SMYD3: variants seen among roughly 807,000 people sequenced by gnomAD.
SMYD3 encodes the protein SET and MYND domain containing 3.
In SMYD3, 36 loss-of-function variants were observed where a neutral mutation model predicts 57.7. The observed-to-expected ratio is 0.62, with a 90% CI of 0.48 to 0.82. The LOEUF (loss-of-function observed/expected upper bound fraction) is 0.82. Among genes scored for constraint, SMYD3 ranks in the 40% least tolerant of loss-of-function variants. The pLI is 0.00. For missense variants in SMYD3, 515 were observed against 538.8 expected (o/e 0.96, Z 0.44); for synonymous variants, 211 against 195.0 (o/e 1.08, Z -0.68).
chr1:246,298,128 G>C (rs2064828152), intron 5 of SMYD3, among the ~76,000 whole-genome samples: 1 of 151,884 alleles, frequency 6.6e-6, no homozygotes, highest in Non-Finnish European at 1.5e-5. Context: ...ATATAAACCT[G>C]CAGGTTCACA....
chr1:246,016,672 T>C (rs552799862), intron 5 of SMYD3, among the ~76,000 whole-genome samples: 1 of 151,934 alleles, frequency 6.6e-6, no homozygotes, highest in South Asian at 2.1e-4. Context: ...GAAATCTTGC[T>C]CTCAGTAGGA....
chr1:246,325,729 T>A (rs1419680051), intron 5 of SMYD3: 1 of 152,190 alleles, frequency 6.6e-6, no homozygotes, highest in East Asian at 1.9e-4. Context: ...ATTAATAACA[T>A]CAGTAATTAT....
chr1:246,024,111 T>C (rs2148237071), intron 5 of SMYD3, among the ~76,000 whole-genome samples: 1 of 152,304 alleles, frequency 6.6e-6, no homozygotes, highest in South Asian at 2.1e-4. Flanking sequence ...GTTGCTTCTA[T>C]CATAGTCCAA....
At chr1:245,796,818 T>G (rs1307697730) in intron 10 of SMYD3, among the ~76,000 whole-genome samples, 1 of 152,182 alleles carries the variant, frequency 6.6e-6, no homozygotes, top group Non-Finnish European at 1.5e-5. Flanking sequence ...TTCTATTAGC[T>G]CCAAACATAC....
chr1:245,915,598 G>T lies in SMYD3; in HGVS notation c.745C>A (p.Arg249Ser). 6.2e-7 allele frequency: 1 copy of T among 1,613,968 alleles called. No individual in the cohort carries two copies. The highest frequency in any genetic ancestry group is 1.1e-5 in the South Asian group (1 of 91,042). Residue 249 changes from arginine to serine, a missense_variant, in exon 8 of 12, where the codon CGC becomes AGC. Transcript: ENST00000490107. ...YLDMLMTSEE[R>S]RKQLRDQYCF... ...TACTGGTCCCTCAGCTGCTTCCGGC[G>T]CTCCTCACTGGTCATCAGCATATCC...
chr1:246,326,195 G>A (rs1274592536), intron 5 of SMYD3: 6 of 443,858 alleles, frequency 1.4e-5, no homozygotes, highest in South Asian at 5.7e-5. Context: ...ATCTTCAAAC[G>A]TGTGCTTACA....
chr1:246,329,102 T>G (rs909236080), intron 4 of SMYD3, among the ~76,000 whole-genome samples: 2 of 152,250 alleles, frequency 1.3e-5, no homozygotes, highest in African/African-American at 2.4e-5. Context: ...GTTGGACATT[T>G]GGCTTGGTTC....
intron 5 of SMYD3, among the ~76,000 whole-genome samples, chr1:246,116,201 GACACACACACACACACACACACACAC>G (rs56722969): frequency 0.028 from 4,016 of 146,018 alleles, 175 homozygotes; most frequent in African/African-American, 0.094. Flanking sequence ...CCCTGAGATG[GACACACACACACACACACACACACAC>G]ACACACACAC....
intron 10 of SMYD3, among the ~76,000 whole-genome samples, chr1:245,842,005 CTG>C (rs1472139659): frequency 1.3e-5 from 2 of 152,176 alleles, no homozygotes; most frequent in Non-Finnish European, 2.9e-5. Context: ...ATACCTGCCA[CTG>C]TGTTACAACT....
intron 5 of SMYD3, among the ~76,000 whole-genome samples, chr1:246,093,373 A>G (rs1434371131): frequency 1.3e-5 from 2 of 152,230 alleles, no homozygotes; most frequent in Admixed American, 1.3e-4. Flanking sequence ...ACCTGTGCCC[A>G]TCAACAGATA....
At chr1:245,927,734 A>T (rs1476511348) in intron 7 of SMYD3, among the ~76,000 whole-genome samples, 197 bp downstream of exon 7, 2 of 152,210 alleles carry the variant, frequency 1.3e-5, no homozygotes, top group African/African-American at 4.8e-5. Context: ...CCTCTCCCCT[A>T]AAAAATTAGC....
intron 5 of SMYD3, among the ~76,000 whole-genome samples, chr1:245,948,076 CAG>C (rs976232177): frequency 2.0e-5 from 3 of 152,146 alleles, no homozygotes; most frequent in African/African-American, 7.2e-5. Flanking sequence ...CCTCGGTACT[CAG>C]AATCTTCATG....
At chr1:246,056,732 A>T (rs1262420081) in intron 5 of SMYD3, among the ~76,000 whole-genome samples, 1 of 152,036 alleles carries the variant, frequency 6.6e-6, no homozygotes, top group East Asian at 1.9e-4. Context: ...CATGTATCGA[A>T]ATATCACTCT....
rs2062957777 is a variant in SMYD3 at position 246,203,933 on chromosome 1, G to C, written c.531+123268C>G. Among the ~76,000 whole-genome samples the C allele has an allele frequency of 6.6e-6, 1 of 152,044 alleles. No individual in the cohort carries two copies. The highest frequency in any genetic ancestry group is 3.2e-3 in the Middle Eastern group (1 of 316). Reference sequence around the variant, plus strand: ...CAAGATGTGAAAATACCCTAAACTAGAAGTCTCAAACTCAAATATAGAGGA... The same window carrying C: ...CAAGATGTGAAAATACCCTAAACTACAAGTCTCAAACTCAAATATAGAGGA... On this transcript the variant is annotated intron_variant, in intron 5 of 11. Coordinates refer to ENST00000490107, the MANE Select transcript of SMYD3 (RefSeq NM_001167740.2). This position sits in a 1 kb window ranked among gnomAD's most constrained non-coding sequence, Gnocchi z 4.6.
At chr1:246,309,860 T>A (rs990876902) in intron 5 of SMYD3, among the ~76,000 whole-genome samples, 3 of 152,154 alleles carry the variant, frequency 2.0e-5, no homozygotes. Flanking sequence ...ATGATTTGTC[T>A]CTGCAAAAGA....
intron 5 of SMYD3, among the ~76,000 whole-genome samples, chr1:246,241,740 T>C (rs1297644728): frequency 3.3e-5 from 5 of 152,174 alleles, no homozygotes; most frequent in South Asian, 4.1e-4. Context: ...TTTTGGTTGG[T>C]AAGCTATTAA....
chr1:245,762,413 A>G (rs1237412133), intron 11 of SMYD3, among the ~76,000 whole-genome samples: 2 of 152,194 alleles, frequency 1.3e-5, no homozygotes, highest in Non-Finnish European at 2.9e-5. Flanking sequence ...GCACATTAGG[A>G]AATTTCCTGC....
At chr1:246,273,819 G>C (rs758643705) in intron 5 of SMYD3, among the ~76,000 whole-genome samples, 2 of 151,100 alleles carry the variant, frequency 1.3e-5, no homozygotes, top group African/African-American at 2.4e-5. Context: ...TCCTGGCCTC[G>C]TGGTCCACCG....
At chr1:246,116,140 A>G (rs2061338889) in intron 5 of SMYD3, among the ~76,000 whole-genome samples, 1 of 109,434 alleles carries the variant, frequency 9.1e-6, no homozygotes, top group South Asian at 2.3e-4. Context: ...AACTCTGTCT[A>G]AAAAAGAAAA....
Sources: gnomAD v4.1 joint callset for allele counts (sites outside exome capture counted in the v4.1 genomes callset) on GRCh38, gnomAD v4.1.1 for gene constraint, Gnocchi (gnomAD v3.1) non-coding constraint, MANE v1.5 for transcripts, NCBI Gene and HGNC (gene_info 2026-07-23, HGNC 2026-07-21) for gene names.